SYT9: variants seen among roughly 807,000 people sequenced by gnomAD.
The protein encoded by SYT9 is synaptotagmin-9.
A neutral mutation model predicts 48.4 loss-of-function variants in SYT9; 22 were observed. The observed-to-expected ratio is 0.45, with a 90% CI of 0.32 to 0.65. The LOEUF is 0.65. Among genes scored for constraint, SYT9 ranks in the 30% least tolerant of loss-of-function variants. The pLI is 0.03. For missense variants in SYT9, 577 were observed against 622.0 expected, an observed-to-expected ratio of 0.93 and a Z score of 0.77; for synonymous variants, 265 against 245.0, an observed-to-expected ratio of 1.08 and a Z score of -0.76.
chr11:7,443,570 G>A (rs1475303572), intron 6 of SYT9, among the ~76,000 whole-genome samples: 1 of 152,246 alleles, frequency 6.6e-6, no homozygotes, highest in Non-Finnish European at 1.5e-5. Context: ...AGCCAGCTCA[G>A]CTGAAATCAG....
intron 4 of SYT9, among the ~76,000 whole-genome samples, chr11:7,417,234 A>T (rs1217570953): frequency 1.3e-5 from 2 of 152,130 alleles, no homozygotes; most frequent in African/African-American, 4.8e-5. Flanking sequence ...ACTGGACTGC[A>T]TATAGGAGTC....
intron 3 of SYT9, among the ~76,000 whole-genome samples, chr11:7,319,178 C>T (rs112601774): frequency 1.2e-3 from 91 of 73,348 alleles, no homozygotes; most frequent in Middle Eastern, 6.7e-3. Flanking sequence ...TTTTTTTTTT[C>T]TTTTCTTCTT....
At chr11:7,459,633 G>A (rs1564911488) in intron 6 of SYT9, among the ~76,000 whole-genome samples, 2 of 152,146 alleles carry the variant, frequency 1.3e-5, no homozygotes, top group Non-Finnish European at 2.9e-5. Context: ...CATCTACCTA[G>A]AACCTCAGAA....
intron 3 of SYT9, among the ~76,000 whole-genome samples, chr11:7,364,990 G>A (rs1259853284): frequency 6.6e-6 from 1 of 152,090 alleles, no homozygotes; most frequent in African/African-American, 2.4e-5. Context: ...TGGATTGCTA[G>A]GGGTCTCAAT....
chr11:7,288,066 T>C (rs1848629230), intron 1 of SYT9, among the ~76,000 whole-genome samples: 1 of 152,080 alleles, frequency 6.6e-6, no homozygotes, highest in South Asian at 2.1e-4. Flanking sequence ...TACACTTAGC[T>C]TTATAGGATT....
chr11:7,407,082 T>G (rs2134083798), intron 3 of SYT9, among the ~76,000 whole-genome samples: 1 of 152,290 alleles, frequency 6.6e-6, no homozygotes, highest in East Asian at 1.9e-4. Flanking sequence ...TTTGAGTTCC[T>G]TTTATATCCT....
intron 3 of SYT9, among the ~76,000 whole-genome samples, chr11:7,362,142 A>ATT (rs59675647): frequency 5.8e-5 from 8 of 138,270 alleles, no homozygotes; most frequent in African/African-American, 2.1e-4. Flanking sequence ...ATTTTATTTT[A>ATT]TTTTTTTTTT....
At chr11:7,243,518 TAC>T (rs1357222594) in intron 1 of SYT9, among the ~76,000 whole-genome samples, 1 of 152,216 alleles carries the variant, frequency 6.6e-6, no homozygotes, top group African/African-American at 2.4e-5. Context: ...TCTTTCTGTG[TAC>T]ACAGAGATTT....
chr11:7,328,507 G>A (rs562027041), intron 3 of SYT9, among the ~76,000 whole-genome samples: 2 of 151,916 alleles, frequency 1.3e-5, no homozygotes, highest in Admixed American at 6.6e-5. Flanking sequence ...TTAAACCTCC[G>A]TCAAAACTAT....
rs538825881 is a variant in SYT9, at chr11:7,290,738, T to G, written c.146-12301T>G. 9.8e-5 allele frequency among the ~76,000 whole-genome samples: 15 copies of G among 152,314 alleles called. No homozygotes were observed. In the South Asian group the frequency reaches 3.1e-3, roughly 32 times the overall value. ...TAAGTTGTAGGAGACACTTTAGAGA[T>G]AGATTTTCTCACACAATTTGAGAAT... On this transcript the variant is annotated intron_variant, in intron 1 of 6. Transcript: ENST00000318881.
At chr11:7,336,058 C>G (rs1346790781) in intron 3 of SYT9, among the ~76,000 whole-genome samples, 3 of 152,166 alleles carry the variant, frequency 2.0e-5, no homozygotes, top group African/African-American at 4.8e-5. Context: ...GATGGTATCT[C>G]ATTGGCGTTT....
At chr11:7,239,694 T>G (rs971856309) in intron 1 of SYT9, among the ~76,000 whole-genome samples, 2 of 152,044 alleles carry the variant, frequency 1.3e-5, no homozygotes, top group Non-Finnish European at 2.9e-5. Context: ...TGGTTCGTAT[T>G]AGGGTAATGG....
At chr11:7,264,712 G>A (rs1311911346) in intron 1 of SYT9, among the ~76,000 whole-genome samples, 1 of 152,056 alleles carries the variant, frequency 6.6e-6, no homozygotes, top group African/African-American at 2.4e-5. Flanking sequence ...ATCATGAGAG[G>A]CATGATGGGG....
chr11:7,336,819 C>T (rs2133984988), intron 3 of SYT9, among the ~76,000 whole-genome samples: 1 of 152,192 alleles, frequency 6.6e-6, no homozygotes, highest in Non-Finnish European at 1.5e-5. Flanking sequence ...CTTAGAATTG[C>T]CCTGGCTATT....
chr11:7,246,831 C>T (rs1847799006), intron 1 of SYT9, among the ~76,000 whole-genome samples: 1 of 152,188 alleles, frequency 6.6e-6, no homozygotes, highest in African/African-American at 2.4e-5. Flanking sequence ...GGTCCATGGC[C>T]TCACTCACAT....
At chr11:7,420,231 A>T (rs1590016249) in intron 5 of SYT9, among the ~76,000 whole-genome samples, 1 of 152,256 alleles carries the variant, frequency 6.6e-6, no homozygotes, top group Non-Finnish European at 1.5e-5. Context: ...CCAGGACGAG[A>T]GGTGGCATCC....
At chr11:7,408,101 A>G (rs973716015) in intron 3 of SYT9, among the ~76,000 whole-genome samples, 12 of 152,074 alleles carry the variant, frequency 7.9e-5, no homozygotes, top group South Asian at 2.1e-4. Flanking sequence ...CATTAAGTCT[A>G]TAGTTGCTTT....
At chr11:7,308,976 AACT>A (rs1327684260) in intron 2 of SYT9, among the ~76,000 whole-genome samples, 15 of 152,216 alleles carry the variant, frequency 9.9e-5, no homozygotes, top group Non-Finnish European at 2.1e-4. Context: ...GCCTTTCCTG[AACT>A]ATGGCTGCAA....
In SYT9 at chr11:7,416,137, G is replaced by C; in HGVS notation, c.1140G>C (p.Lys380Asn). Residue 380 changes from lysine to asparagine, a missense_variant, in exon 4 of 7, where the codon AAG becomes AAC. Coordinates refer to ENST00000318881, the MANE Select transcript of SYT9 (RefSeq NM_175733.4). ...CCATTATAAAAGCAAGGAATTTAAA[G>C]GCAATGGACATAACAGGAGCATCAG... ...TITIIKARNL[K>N]AMDITGASDP... is the part of the protein sequence containing the mutation. The C allele has an allele frequency of 6.2e-7, 1 of 1,614,168 alleles. No homozygotes were observed. The highest frequency in any genetic ancestry group is 1.1e-5 in the South Asian group (1 of 91,090).
Sources: allele counts gnomAD v4.1 joint callset (sites outside exome capture counted in the v4.1 genomes callset), GRCh38; gene constraint gnomAD v4.1.1; transcripts MANE v1.5; gene names NCBI Gene and HGNC (gene_info 2026-07-23, HGNC 2026-07-21).